NAALADL2: variants seen among roughly 807,000 people sequenced by gnomAD.
The protein encoded by NAALADL2 is N-acetylated alpha-linked acidic dipeptidase like 2.
A neutral mutation model predicts 87.2 loss-of-function variants in NAALADL2; 76 were observed. That is an observed-to-expected ratio of 0.87 (90% CI 0.72 to 1.05). NAALADL2 has a LOEUF of 1.05. NAALADL2 is among the 50% of genes least tolerant of loss of function. NAALADL2 has a pLI of 0.00. For synonymous variants in NAALADL2, 354 were observed against 331.0 expected, an observed-to-expected ratio of 1.07 and a Z score of -0.75; for missense variants, 1,089 against 945.8, an observed-to-expected ratio of 1.15 and a Z score of -1.99.
chr3:175,255,153 A>G (rs1749710178), intron 3 of NAALADL2, among the ~76,000 whole-genome samples: 2 of 152,104 alleles, frequency 1.3e-5, no homozygotes, highest in East Asian at 1.9e-4. Flanking sequence ...GGCAACAGAT[A>G]AATAAAATTC....
chr3:175,802,877 GATATT>G (rs144893636), intron 13 of NAALADL2, 123 bp from the exon 14 acceptor site: 74,572 of 631,174 alleles, frequency 0.12, 7,070 homozygotes, highest in African/African-American at 0.36. Context: ...GAAAAATCGT[GATATT>G]ATATTTTTAT....
chr3:175,324,502 G>T (rs890281009), intron 5 of NAALADL2, among the ~76,000 whole-genome samples, 177 bp downstream of exon 5: 1 of 151,992 alleles, frequency 6.6e-6, no homozygotes, highest in Non-Finnish European at 1.5e-5. Flanking sequence ...CCAATTTGTT[G>T]GTATAAATTG....
intron 2 of NAALADL2, among the ~76,000 whole-genome samples, chr3:175,204,424 C>T (rs1443860090): frequency 6.6e-6 from 1 of 152,052 alleles, no homozygotes; most frequent in African/African-American, 2.4e-5. Context: ...GCAAAATCGG[C>T]ATGCAGGGGC....
intron 9 of NAALADL2, among the ~76,000 whole-genome samples, chr3:175,473,257 T>A (rs1725159663): frequency 2.0e-5 from 3 of 152,142 alleles, no homozygotes; most frequent in Non-Finnish European, 4.4e-5. Flanking sequence ...TCACAAGTGA[T>A]GATTGATGAT....
intron 11 of NAALADL2, among the ~76,000 whole-genome samples, chr3:175,728,191 T>G (rs1743191727): frequency 6.6e-6 from 1 of 152,106 alleles, no homozygotes; most frequent in African/African-American, 2.4e-5. Flanking sequence ...TTTTCGAATA[T>G]ACAAGAAACA....
intron 2 of NAALADL2, among the ~76,000 whole-genome samples, chr3:174,665,604 G>C (rs1725888123): frequency 6.6e-6 from 1 of 152,146 alleles, no homozygotes; most frequent in Admixed American, 6.6e-5. Context: ...TTTGAGTCCA[G>C]GTTTGCACTG....
chr3:175,672,479 GGGAATA>G (rs1206522154), intron 11 of NAALADL2, among the ~76,000 whole-genome samples: 1 of 152,126 alleles, frequency 6.6e-6, no homozygotes, highest in African/African-American at 2.4e-5. Flanking sequence ...GCTGGGCAAA[GGGAATA>G]GGATGTTTGT....
chr3:174,944,132 C>G lies in NAALADL2; in HGVS notation c.43+84682C>G, dbSNP rs149702564. Among the ~76,000 whole-genome samples, 237 of 152,272 alleles carry G rather than the reference C, an allele frequency of 1.6e-3. 1 individual carries two copies. The East Asian group carries it at 0.016, about 10-fold the overall frequency. ...TACCTGGAGGTATCACCAGTGAAGG[C>G]TGTGAAACAGCAAAGATGAGGGCCT... On this transcript the variant is annotated intron_variant, in intron 1 of 13. Transcript: ENST00000454872.
chr3:174,946,603 TA>T (rs1458520660), intron 1 of NAALADL2, among the ~76,000 whole-genome samples: 2 of 152,244 alleles, frequency 1.3e-5, no homozygotes, highest in Admixed American at 6.5e-5. Context: ...CATTTTTATT[TA>T]TACATAGTTG....
intron 2 of NAALADL2, among the ~76,000 whole-genome samples, chr3:174,673,380 A>G (rs1433253865): frequency 6.6e-6 from 1 of 152,086 alleles, no homozygotes; most frequent in Non-Finnish European, 1.5e-5. Flanking sequence ...AGCATCATAC[A>G]TGGAAATACA....
intron 2 of NAALADL2, among the ~76,000 whole-genome samples, chr3:175,208,882 G>A (rs549019052): frequency 2.6e-5 from 4 of 152,130 alleles, no homozygotes; most frequent in Admixed American, 1.3e-4. Context: ...CAGTCCAGGC[G>A]CAGATTGAAC....
intron 5 of NAALADL2, among the ~76,000 whole-genome samples, chr3:175,380,554 C>A (rs1767669419): frequency 6.6e-6 from 1 of 152,116 alleles, no homozygotes; most frequent in Non-Finnish European, 1.5e-5. Context: ...CTTTCAAGCT[C>A]TCAATTAAGT....
chr3:175,436,480 G>T (rs921067867), intron 5 of NAALADL2, among the ~76,000 whole-genome samples: 1 of 144,232 alleles, frequency 6.9e-6, no homozygotes, highest in Admixed American at 7.2e-5. Context: ...GTGTAAAAGT[G>T]TTCCTATTTC....
intron 11 of NAALADL2, among the ~76,000 whole-genome samples, chr3:175,640,878 A>G (rs1257049535): frequency 3.3e-5 from 5 of 152,216 alleles, no homozygotes; most frequent in Non-Finnish European, 7.3e-5. Context: ...TTTATGTCCC[A>G]ATAAGCATTG....
At chr3:174,829,272 C>T (rs1001346646) in intron 3 of NAALADL2, among the ~76,000 whole-genome samples, 1 of 150,942 alleles carries the variant, frequency 6.6e-6, no homozygotes, top group African/African-American at 2.4e-5. Flanking sequence ...CCCATCCCCC[C>T]ACCCCACAAC....
At chr3:175,380,218 AAATT>A (rs1767633146) in intron 5 of NAALADL2, among the ~76,000 whole-genome samples, 1 of 152,150 alleles carries the variant, frequency 6.6e-6, no homozygotes. Context: ...TTAAAAAAAT[AAATT>A]AATTAAAAAA....
chr3:175,169,474 A>ATATATAG (rs1734473311), intron 2 of NAALADL2, among the ~76,000 whole-genome samples: 1 of 110,534 alleles, frequency 9.0e-6, no homozygotes, highest in Non-Finnish European at 2.2e-5. Context: ...TATATATATA[A>ATATATAG]TCTGTTGACA....
intron 5 of NAALADL2, among the ~76,000 whole-genome samples, chr3:175,417,377 T>C (rs1714836940): frequency 6.6e-6 from 1 of 152,034 alleles, no homozygotes; most frequent in Non-Finnish European, 1.5e-5. Context: ...ATTAATATTA[T>C]AGTCAGTAGT....
At chr3:174,688,047 C>T (rs1055176484) in intron 2 of NAALADL2, among the ~76,000 whole-genome samples, 29 of 152,072 alleles carry the variant, frequency 1.9e-4, no homozygotes, top group African/African-American at 6.8e-4. Flanking sequence ...TGAGAACAGA[C>T]TAATACATAA....
Sources: allele counts gnomAD v4.1 joint callset (sites outside exome capture counted in the v4.1 genomes callset), GRCh38; gene constraint gnomAD v4.1.1; transcripts MANE v1.5; gene names NCBI Gene and HGNC (gene_info 2026-07-23, HGNC 2026-07-21).